The following CCDC47 variants were observed in gnomAD, a reference collection of about 807,000 sequenced individuals.
CCDC47 encodes the protein coiled-coil domain containing 47, also known as PAT complex subunit CCDC47.
Under a neutral mutation model 60.5 loss-of-function variants are expected in CCDC47, and 41 were observed. That is an observed-to-expected ratio of 0.68 (90% CI 0.53 to 0.88). The LOEUF is 0.88. Among genes scored for constraint, CCDC47 ranks in the 40% least tolerant of loss-of-function variants. The pLI, the probability that CCDC47 is intolerant of heterozygous loss-of-function variation, is 0.00. For synonymous variants in CCDC47, 195 were observed against 190.7 expected, an observed-to-expected ratio of 1.02 and a Z score of -0.18; for missense variants, 513 against 580.9, an observed-to-expected ratio of 0.88 and a Z score of 1.20.
chr17:63,749,969 A>G (rs1356088352), intron 12 of CCDC47, among the ~76,000 whole-genome samples: 3 of 152,056 alleles, frequency 2.0e-5, no homozygotes, highest in Non-Finnish European at 4.4e-5. Flanking sequence ...ATAAAAATAA[A>G]AATAAATTAA....
chr17:63,766,513 T>C (rs1434420495), intron 1 of CCDC47, among the ~76,000 whole-genome samples: 4 of 152,198 alleles, frequency 2.6e-5, no homozygotes, highest in Admixed American at 2.0e-4. Flanking sequence ...AACCTCTGCC[T>C]CCTGGGTTCA....
chr17:63,747,554 C>A, intron 12 of CCDC47: 3 of 984,488 alleles, frequency 3.0e-6, no homozygotes, highest in Non-Finnish European at 3.6e-6. Context: ...TAAGAAGGTT[C>A]AGGTTATTAT....
At chr17:63,772,073 C>T (rs961659194) in intron 1 of CCDC47, among the ~76,000 whole-genome samples, 4 of 151,912 alleles carry the variant, frequency 2.6e-5, no homozygotes, top group Non-Finnish European at 4.4e-5. Context: ...CAGGGTGAGA[C>T]TCTGTCTCAA....
rs757759425 is a variant in CCDC47, at chr17:63,766,093, T to A, written c.83A>T (p.Glu28Val). 28 of 1,613,896 alleles carry A rather than the reference T, an allele frequency of 1.7e-5. No homozygotes were observed. Among genetic ancestry groups the A allele is most frequent in the Non-Finnish European group, 2.3e-5 (27 of 1,179,994 alleles). ...ATCATCATACTCTACTATGTCCTCC[T>A]CATCCTCAAAATCATCAAACTTGGC... ...SEAKFDDFED[E>V]EDIVEYDDND... Residue 28 changes from glutamate to valine, a missense_variant, in exon 2 of 13, where the codon GAG (glutamate) becomes GTG (valine). Glu to Val is a moderately radical substitution (Grantham distance 121). Transcript: ENST00000225726.
chr17:63,746,289 A>T lies in CCDC47; in HGVS notation c.*592T>A, dbSNP rs542557782. The T allele has an allele frequency of 1.3e-5, 2 of 152,424 alleles. No individual in the cohort carries two copies. The highest frequency in any genetic ancestry group is 4.1e-4 in the South Asian group (2 of 4,832). 9.4% of individuals were successfully genotyped at this position (152,424 alleles called of 1,614,324 possible). On this transcript the variant is annotated 3_prime_UTR_variant, in exon 13 of 13. Transcript: ENST00000225726. The stretch of plus-strand genomic sequence containing the variant: ...CAGACTTCCTATTAATTTTGTTATC[A>T]GCATCTCCCACCTAAAAACATATAC...
Position 63,746,963 on chromosome 17 carries a change from T to A in CCDC47, c.1372-2A>T, listed in dbSNP as rs768928618. The A allele has an allele frequency of 1.9e-6, 3 of 1,613,022 alleles. No individual in the cohort carries two copies. The highest frequency in any genetic ancestry group is 2.5e-6 in the Non-Finnish European group (3 of 1,179,488). On this transcript the variant is annotated splice_acceptor_variant, in intron 12 of 12. Transcript: ENST00000225726. LOFTEE classifies it high-confidence loss of function. ...TTGCTCACGCCTCAATGCAGCCTCCTAGAGAAAGAAGGGGTAATAAATAGA... is the reference window on the plus strand; with the variant it reads ...TTGCTCACGCCTCAATGCAGCCTCCAAGAGAAAGAAGGGGTAATAAATAGA...
At chr17:63,760,012 C>T (rs1417936551) in intron 6 of CCDC47, among the ~76,000 whole-genome samples, 1 of 131,276 alleles carries the variant, frequency 7.6e-6, no homozygotes, top group African/African-American at 3.0e-5. Context: ...TGCAGTGAGC[C>T]GAGATTGCAC....
In CCDC47 at chr17:63,756,249, C is replaced by T; in HGVS notation, c.939G>A (p.Met313Ile). ...CTTCTGTCGCATTTACCTTTGTATC[C>T]ATCATTCCGTCTGTGACTTCTCCCA... ...SEMGEVTDGM[M>I]DTKMVHFLTH... Residue 313 changes from methionine to isoleucine, a missense_variant, in exon 8 of 13, where the codon ATG (methionine) becomes ATA (isoleucine). Coordinates refer to ENST00000225726, the MANE Select transcript of CCDC47 (RefSeq NM_020198.3). 6.2e-7 allele frequency: 1 copy of T among 1,611,746 alleles called. No homozygotes were observed. Among genetic ancestry groups the T allele is most frequent in the Admixed American group, 1.7e-5 (1 of 60,012 alleles).
chr17:63,747,118 T>C, intron 12 of CCDC47, 157 bp from the exon 13 acceptor site: 1 of 982,004 alleles, frequency 1.0e-6, no homozygotes, highest in African/African-American at 1.7e-5. Context: ...AGAAGATAGT[T>C]ATAAAAATAA....
At chr17:63,772,035 T>C (rs1023103320) in intron 1 of CCDC47, among the ~76,000 whole-genome samples, 1 of 151,916 alleles carries the variant, frequency 6.6e-6, no homozygotes. Flanking sequence ...TGAGCCAAGA[T>C]TGCGCCACTG....
At chr17:63,769,613 C>CCA (rs2039321712) in intron 1 of CCDC47, among the ~76,000 whole-genome samples, 1 of 99,110 alleles carries the variant, frequency 1.0e-5, no homozygotes, top group Non-Finnish European at 2.2e-5. Flanking sequence ...AACTCCATCT[C>CCA]AAAAAAAAAA....
At chr17:63,761,845 T>C in intron 4 of CCDC47, 1 of 968,736 alleles carries the variant, frequency 1.0e-6, no homozygotes, top group Non-Finnish European at 1.2e-6. Flanking sequence ...CGTTTTACTT[T>C]TAAAACTATT....
At chr17:63,746,994 G>A (rs770808758) in intron 12 of CCDC47, 33 bp from the exon 13 acceptor site, 1 of 1,608,454 alleles carries the variant, frequency 6.2e-7, no homozygotes, top group Non-Finnish European at 8.5e-7. Flanking sequence ...ATAGAGAAAG[G>A]GAGTGGGGAC....
chr17:63,756,310 T>A lies in CCDC47; in HGVS notation c.878A>T (p.Tyr293Phe), dbSNP rs1423272410. ...CSDKPKSGAK[Y>F]GLPDSLAILS... ...GATGGCCAAAGAGTCCGGCAGTCCA[T>A]ACTTTGCTCCAGACTTAGGTTTATC... Residue 293 changes from tyrosine to phenylalanine, a missense_variant, in exon 8 of 13, where the codon TAT (tyrosine) becomes TTT (phenylalanine). Physicochemically the swap from Tyr to Phe is conservative, Grantham distance 22. Transcript: ENST00000225726. The A allele has an allele frequency of 6.8e-6, 11 of 1,614,080 alleles. No homozygotes were observed. Among genetic ancestry groups the A allele is most frequent in the African/African-American group, 1.3e-5 (1 of 74,940 alleles).
At chr17:63,765,107 G>GT (rs969737314) in intron 2 of CCDC47, 5 of 197,302 alleles carry the variant, frequency 2.5e-5, no homozygotes, top group Non-Finnish European at 4.2e-5. Context: ...AGAATATATT[G>GT]TAAGTATTCT....
intron 9 of CCDC47, 73 bp from the exon 10 acceptor site, chr17:63,752,872 C>G: frequency 6.4e-7 from 1 of 1,562,736 alleles, no homozygotes. Flanking sequence ...TCACCCAATA[C>G]ACTTAGATGA....
chr17:63,761,404 G>T, intron 4 of CCDC47, 53 bp from the exon 5 acceptor site: 4 of 1,605,346 alleles, frequency 2.5e-6, no homozygotes, highest in Non-Finnish European at 2.6e-6. Context: ...AGGCCGGGCC[G>T]GGGGTGGTGG....
intron 4 of CCDC47, 166 bp from the exon 5 acceptor site, chr17:63,761,517 TAAA>T (rs11429720): frequency 1.2e-3 from 232 of 191,970 alleles, no homozygotes; most frequent in Middle Eastern, 1.7e-3. Context: ...CTGTCCCTAC[TAAA>T]AAAAAAAAAA....
At chr17:63,761,537 A>AAT in intron 4 of CCDC47, 186 bp from the exon 5 acceptor site, 1 of 420,742 alleles carries the variant, frequency 2.4e-6, no homozygotes, top group Non-Finnish European at 4.0e-6. Context: ...AAAAAAAAAA[A>AAT]TTATAAAAAA....
Sources: gnomAD v4.1 joint callset for allele counts (sites outside exome capture counted in the v4.1 genomes callset) on GRCh38, gnomAD v4.1.1 for gene constraint, MANE v1.5 for transcripts, NCBI Gene and HGNC (gene_info 2026-07-23, HGNC 2026-07-21) for gene names.